ASAP2: variants seen among roughly 807,000 people sequenced by gnomAD.
ASAP2 encodes the protein arf-GAP with SH3 domain, ANK repeat and PH domain-containing protein 2.
In ASAP2, 45 loss-of-function variants were observed where a neutral mutation model predicts 131.4. The ratio of observed to expected loss-of-function variants is 0.34; its 90% CI spans 0.27 to 0.44. The LOEUF (loss-of-function observed/expected upper bound fraction) is 0.44. Among genes scored for constraint, ASAP2 ranks in the 20% least tolerant of loss-of-function variants. The probability of loss-of-function intolerance (pLI) is 1.00; values close to 1 mark genes in which losing one functional copy is unlikely to be tolerated. For missense variants in ASAP2, 1,011 were observed against 1,297.0 expected, an observed-to-expected ratio of 0.78 and a Z score of 3.39; for synonymous variants, 510 against 503.0, an observed-to-expected ratio of 1.01 and a Z score of -0.19.
intron 1 of ASAP2, among the ~76,000 whole-genome samples, chr2:9,211,635 A>G (rs563714727): frequency 6.6e-6 from 1 of 152,218 alleles, no homozygotes; most frequent in South Asian, 2.1e-4. Context: ...GTCCTTGGTT[A>G]CCTTGGCAAT....
At chr2:9,332,866 G>GA (rs1395957572) in intron 7 of ASAP2, among the ~76,000 whole-genome samples, 2 of 152,060 alleles carry the variant, frequency 1.3e-5, no homozygotes, top group Admixed American at 6.6e-5. Context: ...TCTATATTCA[G>GA]AAAAAAACGT....
intron 1 of ASAP2, among the ~76,000 whole-genome samples, chr2:9,243,187 C>G (rs903911919): frequency 6.6e-6 from 1 of 152,196 alleles, no homozygotes; most frequent in Non-Finnish European, 1.5e-5. Context: ...CAGCTCACTG[C>G]AAGCTCCGCC....
chr2:9,317,070 CAA>C (rs1669738584), intron 3 of ASAP2, among the ~76,000 whole-genome samples: 1 of 150,050 alleles, frequency 6.7e-6, no homozygotes, highest in Non-Finnish European at 1.5e-5. Context: ...CACAACCACA[CAA>C]AATCACATCC....
intron 27 of ASAP2, among the ~76,000 whole-genome samples, chr2:9,401,745 G>A (rs1384545151): frequency 1.3e-5 from 2 of 152,264 alleles, no homozygotes; most frequent in Non-Finnish European, 1.5e-5. Flanking sequence ...AGCTGACCTA[G>A]AGCGCAGAGC....
chr2:9,331,670 AG>A (rs1230815180), intron 7 of ASAP2, among the ~76,000 whole-genome samples: 1 of 152,152 alleles, frequency 6.6e-6, no homozygotes, highest in Non-Finnish European at 1.5e-5. Context: ...CGGGAGACTG[AG>A]GCTGGAGAAT....
chr2:9,239,716 CTG>C (rs1663809132), intron 1 of ASAP2, among the ~76,000 whole-genome samples: 1 of 152,056 alleles, frequency 6.6e-6, no homozygotes, highest in African/African-American at 2.4e-5. Context: ...GTTGAAACCA[CTG>C]TAATGGCAGC....
chr2:9,219,222 T>C (rs1266470727), intron 1 of ASAP2, among the ~76,000 whole-genome samples: 1 of 152,242 alleles, frequency 6.6e-6, no homozygotes, highest in Non-Finnish European at 1.5e-5. Flanking sequence ...TCCTAGATTT[T>C]GTGGGGAACC....
In ASAP2 at chr2:9,334,086, C is replaced by T. The variant is rs115471437; in HGVS notation, c.687-652C>T. On this transcript the variant is annotated intron_variant, in intron 7 of 27. Coordinates refer to ENST00000281419, the MANE Select transcript of ASAP2 (RefSeq NM_003887.3). ...TTTTTGGGAGACAGTCTCACTCTGT[C>T]GCCAGGCCAGAATGCAGTGGCATGA... Among the ~76,000 whole-genome samples, 903 of 131,358 alleles carry T rather than the reference C, an allele frequency of 6.9e-3. 13 individuals are homozygous for T. The highest frequency in any genetic ancestry group is 0.025 in the African/African-American group (855 of 33,928). 86.2% of individuals were successfully genotyped at this position (131,358 alleles called of 152,430 possible).
intron 18 of ASAP2, 98 bp from the exon 19 acceptor site, chr2:9,378,846 C>A: frequency 1.3e-6 from 1 of 778,652 alleles, no homozygotes; most frequent in Non-Finnish European, 1.8e-6. Context: ...GGACTGTCTG[C>A]CTTTCCTGTG....
At position 9,271,867 on chromosome 2, in the gene ASAP2, C is replaced by T. The variant is rs188525618; in HGVS notation, c.127-7450C>T. Among the ~76,000 whole-genome samples the T allele has an allele frequency of 3.8e-4, 58 of 152,160 alleles. No homozygotes were observed. In the East Asian group the frequency reaches 9.3e-3, roughly 24 times the overall value. On this transcript the variant is annotated intron_variant, in intron 1 of 27. Transcript: ENST00000281419. ...ACATAATAACCTCTATTTCCATCCA[C>T]ATCATTGCAGCTGACAGGATCTCAT...
At chr2:9,400,639 T>C in intron 25 of ASAP2, 103 bp from the exon 26 acceptor site, 1 of 1,070,712 alleles carries the variant, frequency 9.3e-7, no homozygotes, top group Admixed American at 1.7e-5. Flanking sequence ...TCGGAACACC[T>C]GGGGAAACCT....
intron 1 of ASAP2, among the ~76,000 whole-genome samples, chr2:9,275,186 T>A (rs1666680655): frequency 6.6e-6 from 1 of 151,744 alleles, no homozygotes; most frequent in Admixed American, 6.6e-5. Flanking sequence ...ATTTAAGTGA[T>A]CCTCCCTCCT....
At chr2:9,323,729 G>A (rs754415184) in intron 6 of ASAP2, among the ~76,000 whole-genome samples, 2 of 152,118 alleles carry the variant, frequency 1.3e-5, no homozygotes, top group Non-Finnish European at 2.9e-5. Flanking sequence ...ACCTGCTCAG[G>A]CGGGGGCACT....
chr2:9,304,173 C>G (rs970887059), intron 3 of ASAP2, among the ~76,000 whole-genome samples: 1 of 152,060 alleles, frequency 6.6e-6, no homozygotes. Context: ...CAGTATGGCA[C>G]TTGTCCATCT....
intron 2 of ASAP2, among the ~76,000 whole-genome samples, chr2:9,294,966 C>T (rs1668064345): frequency 1.3e-5 from 2 of 152,144 alleles, no homozygotes; most frequent in South Asian, 2.1e-4. Context: ...GCCACCAGCC[C>T]CCTTCCTGAA....
intron 1 of ASAP2, among the ~76,000 whole-genome samples, chr2:9,278,471 C>T (rs1666898269): frequency 6.6e-6 from 1 of 151,000 alleles, no homozygotes; most frequent in Non-Finnish European, 1.5e-5. Flanking sequence ...CAAGATCGTG[C>T]CACTGCACTC....
At chr2:9,246,601 T>C (rs1664356356) in intron 1 of ASAP2, among the ~76,000 whole-genome samples, 1 of 152,174 alleles carries the variant, frequency 6.6e-6, no homozygotes, top group Admixed American at 6.5e-5. Flanking sequence ...GTGTGAAAAT[T>C]GTAATCATTC....
chr2:9,306,135 G>A (rs1196046638), intron 3 of ASAP2, among the ~76,000 whole-genome samples: 1 of 145,170 alleles, frequency 6.9e-6, no homozygotes, highest in African/African-American at 2.6e-5. Context: ...AGGGGCTGGC[G>A]TAGTGGGGGT....
At chr2:9,216,144 G>A (rs530402312) in intron 1 of ASAP2, among the ~76,000 whole-genome samples, 1 of 152,174 alleles carries the variant, frequency 6.6e-6, no homozygotes, top group Non-Finnish European at 1.5e-5. Flanking sequence ...AGATTCATGG[G>A]CACCACCTAC....
Sources: gnomAD v4.1 joint callset for allele counts (sites outside exome capture counted in the v4.1 genomes callset) on GRCh38, gnomAD v4.1.1 for gene constraint, MANE v1.5 for transcripts, NCBI Gene and HGNC (gene_info 2026-07-23, HGNC 2026-07-21) for gene names.